Variants in CDC42SE2 observed in about 807,000 individuals in gnomAD.
CDC42SE2 encodes CDC42 small effector 2.
CDC42SE2 carries 3 observed loss-of-function variants against 11.5 expected under a neutral mutation model. The ratio of observed to expected loss-of-function variants is 0.26; its 90% CI spans 0.12 to 0.67. CDC42SE2 has a LOEUF of 0.67. Ranked by LOEUF, CDC42SE2 falls within the 30% of genes least tolerant of loss-of-function variation. CDC42SE2 has a pLI of 0.80. For synonymous variants in CDC42SE2, 33 were observed against 34.8 expected, an observed-to-expected ratio of 0.95 and a Z score of 0.18; for missense variants, 82 against 106.8, an observed-to-expected ratio of 0.77 and a Z score of 1.02.
At position 131,363,112 on chromosome 5, in the gene CDC42SE2, C is replaced by T. The variant is rs547759139; in HGVS notation, c.54+3565C>T. Among the ~76,000 whole-genome samples, 8 of 151,914 alleles carry T rather than the reference C, an allele frequency of 5.3e-5. No homozygotes were observed. The Middle Eastern group carries it at 0.027, about 520-fold the overall frequency. On this transcript the variant is annotated intron_variant, in intron 3 of 4. Transcript: ENST00000505065. ...TGAGCTGAGATTGCGCCGCTGTGCTCCAGCCTGGCGACAGGGCAAGACTCT... is the reference window on the plus strand; with the variant it reads ...TGAGCTGAGATTGCGCCGCTGTGCTTCAGCCTGGCGACAGGGCAAGACTCT...
chr5:131,306,652 T>C (rs1757784015), intron 1 of CDC42SE2, among the ~76,000 whole-genome samples: 1 of 152,210 alleles, frequency 6.6e-6, no homozygotes, highest in Non-Finnish European at 1.5e-5. Flanking sequence ...TTGATAGAGA[T>C]TGCATTGAAT....
intron 2 of CDC42SE2, among the ~76,000 whole-genome samples, chr5:131,354,925 C>T (rs1235626978): frequency 6.6e-6 from 1 of 152,090 alleles, no homozygotes. Context: ...TCACACAATC[C>T]TCATGCTTCA....
At chr5:131,281,031 C>T (rs927974033) in intron 1 of CDC42SE2, among the ~76,000 whole-genome samples, 1 of 152,084 alleles carries the variant, frequency 6.6e-6, no homozygotes, top group Admixed American at 6.6e-5. Context: ...ATCACCAGTT[C>T]CAAATTTGTC....
chr5:131,234,331 A>G, the CDC42SE2 span, among the ~76,000 whole-genome samples: 1 of 152,194 alleles, frequency 6.6e-6, no homozygotes, highest in Non-Finnish European at 1.5e-5. Flanking sequence ...ATAGATAGAT[A>G]GATAAATACA....
At chr5:131,228,846 C>G in the CDC42SE2 span, among the ~76,000 whole-genome samples, 15 of 152,212 alleles carry the variant, frequency 9.9e-5, no homozygotes, top group Non-Finnish European at 2.1e-4. Flanking sequence ...GAGGACACAG[C>G]AAGAAGGCAG....
At chr5:131,355,658 C>G (rs1026805151) in intron 2 of CDC42SE2, among the ~76,000 whole-genome samples, 2 of 151,998 alleles carry the variant, frequency 1.3e-5, no homozygotes, top group Admixed American at 1.3e-4. Flanking sequence ...TTCACACAAA[C>G]TGAGCGTACT....
chr5:131,339,047 A>T (rs748880804), intron 2 of CDC42SE2, among the ~76,000 whole-genome samples: 1 of 151,978 alleles, frequency 6.6e-6, no homozygotes, highest in Non-Finnish European at 1.5e-5. Context: ...GAAGATCGAG[A>T]CCATACTGGC....
At chr5:131,219,522 T>C in the CDC42SE2 span, among the ~76,000 whole-genome samples, 58 of 152,214 alleles carry the variant, frequency 3.8e-4, no homozygotes, top group African/African-American at 1.4e-3. Context: ...CCCTCTATGA[T>C]AGTGAACAAG....
chr5:131,354,346 C>CT (rs1357343376), intron 2 of CDC42SE2, among the ~76,000 whole-genome samples: 2 of 152,206 alleles, frequency 1.3e-5, no homozygotes, highest in African/African-American at 4.8e-5. Flanking sequence ...AAGTGGAACA[C>CT]TGTCAGCATT....
chr5:131,314,828 C>G lies in CDC42SE2; in HGVS notation c.-454-1148C>G, dbSNP rs1758006725. On this transcript the variant is annotated intron_variant, in intron 1 of 4. Transcript: ENST00000505065. ...TTTCCTTTAATGAAATTCATTTTTC[C>G]TTTAATGAAGTACCAGTATTCTTCA... Among the ~76,000 whole-genome samples the G allele has an allele frequency of 1.3e-5, 2 of 152,076 alleles. 1 individual carries two copies. The highest frequency in any genetic ancestry group is 4.1e-4 in the South Asian group (2 of 4,828).
intron 1 of CDC42SE2, among the ~76,000 whole-genome samples, chr5:131,272,361 C>A (rs966329587): frequency 6.6e-6 from 1 of 152,102 alleles, no homozygotes; most frequent in Non-Finnish European, 1.5e-5. Context: ...GATTTAATCA[C>A]CACAGATTAC....
At chr5:131,226,710 G>A in the CDC42SE2 span, among the ~76,000 whole-genome samples, 1 of 152,196 alleles carries the variant, frequency 6.6e-6, no homozygotes, top group Non-Finnish European at 1.5e-5. Flanking sequence ...TGGCTTCACA[G>A]CAAGTTCAGT....
chr5:131,216,207 G>GCTCACGCCTGTAATCCCAGCAC, the CDC42SE2 span, among the ~76,000 whole-genome samples: 1 of 152,132 alleles, frequency 6.6e-6, no homozygotes, highest in Non-Finnish European at 1.5e-5. Flanking sequence ...CAGCACAGTA[G>GCTCACGCCTGTAATCCCAGCAC]CTCACGCCTG....
At chr5:131,266,391 T>A (rs191126757) in intron 1 of CDC42SE2, among the ~76,000 whole-genome samples, 2 of 152,160 alleles carry the variant, frequency 1.3e-5, no homozygotes, top group Admixed American at 1.3e-4. Flanking sequence ...AATACATTGT[T>A]AAAGATAATG....
chr5:131,323,625 C>G (rs1444142644), intron 2 of CDC42SE2, among the ~76,000 whole-genome samples: 1 of 142,720 alleles, frequency 7.0e-6, no homozygotes, highest in East Asian at 2.0e-4. Context: ...TGTACTTAAC[C>G]CTAGGTAATT....
chr5:131,332,718 GTGA>G (rs1415052015), intron 2 of CDC42SE2, among the ~76,000 whole-genome samples: 3 of 152,182 alleles, frequency 2.0e-5, no homozygotes, highest in Non-Finnish European at 4.4e-5. Flanking sequence ...CTGATGGCCA[GTGA>G]TGATGAGCAT....
chr5:131,293,478 A>G (rs956285099), intron 1 of CDC42SE2, among the ~76,000 whole-genome samples: 1 of 151,826 alleles, frequency 6.6e-6, no homozygotes, highest in Non-Finnish European at 1.5e-5. Context: ...CGGCTGAGGC[A>G]GGAGAATCGC....
At chr5:131,309,110 A>G (rs986842691) in intron 1 of CDC42SE2, among the ~76,000 whole-genome samples, 4 of 152,074 alleles carry the variant, frequency 2.6e-5, no homozygotes, top group Admixed American at 2.0e-4. Context: ...ATTCTTTTGA[A>G]ATACATCCCA....
chr5:131,244,260 A>C (rs1756561908), upstream of CDC42SE2, among the ~76,000 whole-genome samples: 1 of 152,216 alleles, frequency 6.6e-6, no homozygotes, highest in Admixed American at 6.5e-5. Context: ...GGGTGATATG[A>C]ATCTACTTTT....
Sources: gnomAD v4.1 joint callset for allele counts (sites outside exome capture counted in the v4.1 genomes callset) on GRCh38, gnomAD v4.1.1 for gene constraint, MANE v1.5 for transcripts, NCBI Gene and HGNC (gene_info 2026-07-23, HGNC 2026-07-21) for gene names.